The following CELA2A variants were observed in gnomAD, a reference collection of about 807,000 sequenced individuals.
The protein encoded by CELA2A is chymotrypsin like elastase 2A.
Under a neutral mutation model 35.3 loss-of-function variants are expected in CELA2A, and 31 were observed. That is an observed-to-expected ratio of 0.88 (90% CI 0.66 to 1.19). The LOEUF is 1.19. Among genes scored for constraint, CELA2A ranks in the 50% most tolerant of loss-of-function variants. The pLI is 0.00. For synonymous variants in CELA2A, 150 were observed against 149.8 expected, an observed-to-expected ratio of 1.00 and a Z score of -0.01; for missense variants, 330 against 352.9, an observed-to-expected ratio of 0.94 and a Z score of 0.52.
chr1:15,462,719 C>T lies in CELA2A; in HGVS notation c.228-14C>T. The T allele has an allele frequency of 6.2e-7, 1 of 1,613,840 alleles. No individual in the cohort carries two copies. Reference sequence around the variant, plus strand: ...TCTGGAGGTGACCCTCTCCCTGGGCCCCCTTTCTCCCAGCTCCTCCAGGAC... The same window carrying T: ...TCTGGAGGTGACCCTCTCCCTGGGCTCCCTTTCTCCCAGCTCCTCCAGGAC... On this transcript the variant is annotated splice_polypyrimidine_tract_variant and intron_variant, in intron 3 of 7. Coordinates refer to ENST00000359621, the MANE Select transcript of CELA2A (RefSeq NM_033440.3).
At chr1:15,462,002 C>G (rs1476777302) in intron 3 of CELA2A, 10 of 519,932 alleles carry the variant, frequency 1.9e-5, no homozygotes, top group Non-Finnish European at 3.8e-5. Context: ...ATACCATCAC[C>G]TGCAGAAAAA....
chr1:15,470,054 G>A (rs537323446), intron 7 of CELA2A, among the ~76,000 whole-genome samples: 3 of 152,288 alleles, frequency 2.0e-5, no homozygotes, highest in South Asian at 2.1e-4. Context: ...GGGGCAGCAC[G>A]CCTCGCAAGG....
Position 15,471,612 on chromosome 1 carries a change from A to C in CELA2A, c.793-378A>C, listed in dbSNP as rs541816179. On this transcript the variant is annotated intron_variant, in intron 7 of 7. Transcript: ENST00000359621. ...CAGACACTGATCAACAGCCTCTGGA[A>C]ACAGTTATAGCCCCAACCACAGTGC... 4.9e-4 allele frequency among the ~76,000 whole-genome samples: 75 copies of C among 152,318 alleles called. 1 individual carries two copies. The highest frequency in any genetic ancestry group is 1.8e-3 in the African/African-American group (74 of 41,576).
At chr1:15,463,610 T>A (rs780041163) in intron 5 of CELA2A, 88 bp downstream of exon 5, 12 of 1,589,190 alleles carry the variant, frequency 7.6e-6, no homozygotes, top group Non-Finnish European at 9.4e-6. Context: ...TCACCTGTCA[T>A]CCCAGGGTGT....
In CELA2A at chr1:15,467,504, C is replaced by T. The variant is rs771186524; in HGVS notation, c.758C>T (p.Thr253Met). The T allele has an allele frequency of 6.8e-6, 11 of 1,614,072 alleles. No individual in the cohort carries two copies. Among genetic ancestry groups the T allele is most frequent in the South Asian group, 5.5e-5 (5 of 91,096 alleles). ...TACTACCACAAGCCCTCCGTCTTCA[C>T]GCGGGTCTCCAATTACATCGACTGG... is the stretch of plus-strand genomic sequence containing the variant. ...CNYYHKPSVFTRVSNYIDWIN... is the reference protein window; with the variant it reads ...CNYYHKPSVFMRVSNYIDWIN... The change falls in exon 7 of 8, where the codon ACG (threonine) becomes ATG (methionine). Residue 253 changes from threonine (T) to methionine (M), a missense_variant. Thr to Met is a moderately conservative substitution (Grantham distance 81). Coordinates refer to ENST00000359621, the MANE Select transcript of CELA2A (RefSeq NM_033440.3).
intron 7 of CELA2A, among the ~76,000 whole-genome samples, chr1:15,470,219 A>G (rs7556116): frequency 0.8 from 120,958 of 152,056 alleles, 48,236 homozygotes; most frequent in Non-Finnish European, 0.83. Flanking sequence ...ACCTTGCAGT[A>G]GCCCCAACCC....
At chr1:15,461,821 C>T in intron 3 of CELA2A, 163 bp downstream of exon 3, 1 of 824,820 alleles carries the variant, frequency 1.2e-6, no homozygotes, top group Non-Finnish European at 2.1e-6. Flanking sequence ...AGTGTGTTGG[C>T]CCATCAATGT....
At chr1:15,461,780 T>C (rs754040262) in intron 3 of CELA2A, 122 bp downstream of exon 3, 23 of 1,086,202 alleles carry the variant, frequency 2.1e-5, no homozygotes, top group Non-Finnish European at 2.9e-5. Flanking sequence ...CTATACTGGC[T>C]GAGACACAAG....
intron 7 of CELA2A, among the ~76,000 whole-genome samples, chr1:15,468,923 A>G (rs1708556361): frequency 6.6e-6 from 1 of 152,208 alleles, no homozygotes; most frequent in South Asian, 2.1e-4. Context: ...CACGCCTGTA[A>G]TCCAGGCACT....
intron 7 of CELA2A, among the ~76,000 whole-genome samples, chr1:15,470,058 C>A (rs193225683): frequency 6.6e-6 from 1 of 152,186 alleles, no homozygotes; most frequent in South Asian, 2.1e-4. Context: ...CAGCACGCCT[C>A]GCAAGGCAGC....
chr1:15,460,503 C>T (rs1181382962), intron 2 of CELA2A, among the ~76,000 whole-genome samples: 2 of 152,116 alleles, frequency 1.3e-5, no homozygotes, highest in Non-Finnish European at 2.9e-5. Flanking sequence ...CCGATCAGAG[C>T]AGTCCATGCC....
At chr1:15,463,316 A>T in intron 4 of CELA2A, 70 bp from the exon 5 acceptor site, 1 of 1,605,192 alleles carries the variant, frequency 6.2e-7, no homozygotes, top group Admixed American at 1.7e-5. Flanking sequence ...CAAGGTCTCC[A>T]AGCCCTCCAA....
In CELA2A at chr1:15,464,548, T is replaced by G. The variant is rs376354181; in HGVS notation, c.493+1026T>G. Among the ~76,000 whole-genome samples the G allele has an allele frequency of 9.8e-5, 15 of 152,320 alleles. No homozygotes were observed. In the East Asian group the frequency reaches 2.9e-3, roughly 29 times the overall value. ...ATTATGACATTTTTTCCTAATGACA[T>G]AAACCCATAAGTATAATGACATGTT... On this transcript the variant is annotated intron_variant, in intron 5 of 7. Transcript: ENST00000359621.
At chr1:15,460,522 A>G (rs546041164) in intron 2 of CELA2A, among the ~76,000 whole-genome samples, 2 of 151,458 alleles carry the variant, frequency 1.3e-5, no homozygotes, top group African/African-American at 4.8e-5. Flanking sequence ...CCCTACTGTC[A>G]CCTCCCTCCC....
chr1:15,467,148 A>T (rs1708529321), intron 6 of CELA2A, among the ~76,000 whole-genome samples: 1 of 152,070 alleles, frequency 6.6e-6, no homozygotes, highest in Non-Finnish European at 1.5e-5. Flanking sequence ...ACCTCATAGG[A>T]TTTTGTGAGG....
intron 7 of CELA2A, among the ~76,000 whole-genome samples, chr1:15,469,411 G>C (rs1212774195): frequency 6.6e-6 from 1 of 152,168 alleles, no homozygotes; most frequent in Admixed American, 6.5e-5. Flanking sequence ...TAAAGAAGGG[G>C]AAAGCTGGCA....
chr1:15,463,685 C>T (rs1186690719), intron 5 of CELA2A, among the ~76,000 whole-genome samples, 163 bp downstream of exon 5: 1 of 152,142 alleles, frequency 6.6e-6, no homozygotes, highest in East Asian at 1.9e-4. Context: ...TGTCAGCTCT[C>T]CCACTTAATG....
At chr1:15,456,834 G>A (rs375537608) in intron 1 of CELA2A, 41 bp downstream of exon 1, 26 of 1,613,328 alleles carry the variant, frequency 1.6e-5, no homozygotes, top group Non-Finnish European at 2.2e-5. Flanking sequence ...CCCATGCCCT[G>A]GTGGGGCTGG....
intron 2 of CELA2A, among the ~76,000 whole-genome samples, chr1:15,461,088 C>G (rs1708427321): frequency 6.6e-6 from 1 of 152,154 alleles, no homozygotes; most frequent in African/African-American, 2.4e-5. Flanking sequence ...ATAAAACCAT[C>G]AGATCTTGTG....
Sources: allele counts gnomAD v4.1 joint callset (sites outside exome capture counted in the v4.1 genomes callset), GRCh38; gene constraint gnomAD v4.1.1; transcripts MANE v1.5; gene names NCBI Gene and HGNC (gene_info 2026-07-23, HGNC 2026-07-21).